The following SNX25 variants were observed in gnomAD, a reference collection of about 807,000 sequenced individuals.
The protein encoded by SNX25 is sorting nexin 25, also known as sorting nexin-25.
SNX25 carries 62 observed loss-of-function variants against 113.7 expected under a neutral mutation model. That is an observed-to-expected ratio of 0.55 (90% CI 0.44 to 0.67). The LOEUF (loss-of-function observed/expected upper bound fraction) is 0.67. SNX25 is among the 30% of genes least tolerant of loss of function. The pLI is 0.00. For missense variants in SNX25, 1,014 were observed against 1,161.0 expected, an observed-to-expected ratio of 0.87 and a Z score of 1.84; for synonymous variants, 421 against 436.2, an observed-to-expected ratio of 0.97 and a Z score of 0.43.
At chr4:185,280,132 GT>G (rs1750369734) in intron 5 of SNX25, among the ~76,000 whole-genome samples, 1 of 152,102 alleles carries the variant, frequency 6.6e-6, no homozygotes, top group Non-Finnish European at 1.5e-5. Flanking sequence ...GTCTCATTAT[GT>G]TGCCCAGGCT....
chr4:185,324,420 ACTCT>A (rs1166587475), intron 9 of SNX25, among the ~76,000 whole-genome samples: 1 of 152,062 alleles, frequency 6.6e-6, no homozygotes, highest in African/African-American at 2.4e-5. Flanking sequence ...AGTCAGGAGC[ACTCT>A]CTCTTACAGA....
downstream of SNX25, chr4:185,372,873 A>G: frequency 6.2e-7 from 1 of 1,608,394 alleles, no homozygotes; most frequent in Non-Finnish European, 8.5e-7. Flanking sequence ...AAAATGCAAC[A>G]CACTTTGTAA....
At chr4:185,207,608 G>T (rs1481249867), upstream of SNX25, 2 of 152,024 alleles carry the variant, frequency 1.3e-5, no homozygotes, top group Admixed American at 1.3e-4. Context: ...GTAAATCAGA[G>T]AATTCTTAGG....
At chr4:185,371,533 C>T (rs1367928984), downstream of SNX25, among the ~76,000 whole-genome samples, 2 of 103,084 alleles carry the variant, frequency 1.9e-5, no homozygotes, top group Non-Finnish European at 3.7e-5. Context: ...CAGAGCGAGA[C>T]TCCGTCTAAA....
upstream of SNX25, among the ~76,000 whole-genome samples, chr4:185,208,986 G>C (rs771349641): frequency 6.6e-6 from 1 of 152,152 alleles, no homozygotes; most frequent in Admixed American, 6.5e-5. Flanking sequence ...TGAATAGTTG[G>C]TAAAAAACAA....
intron 11 of SNX25, 31 bp from the exon 12 acceptor site, chr4:185,341,945 T>G (rs1461939581): frequency 6.4e-7 from 1 of 1,558,534 alleles, no homozygotes; most frequent in Non-Finnish European, 8.7e-7. Context: ...CCATGCTTTT[T>G]GTAAGTATCG....
intron 1 of SNX25, among the ~76,000 whole-genome samples, chr4:185,246,484 AAG>A (rs1744883515): frequency 6.6e-6 from 1 of 152,154 alleles, no homozygotes; most frequent in African/African-American, 2.4e-5. Flanking sequence ...TCTAATAAAA[AAG>A]GGGATTGCAT....
At chr4:185,326,253 G>A (rs1163449191) in intron 9 of SNX25, among the ~76,000 whole-genome samples, 1 of 152,128 alleles carries the variant, frequency 6.6e-6, no homozygotes, top group Admixed American at 6.5e-5. Flanking sequence ...TCTCCTGTTA[G>A]TTCAGTTCGT....
intron 7 of SNX25, among the ~76,000 whole-genome samples, chr4:185,319,446 G>A (rs186250853): frequency 2.7e-5 from 4 of 149,140 alleles, no homozygotes; most frequent in Admixed American, 2.0e-4. Context: ...TGATCTGCCC[G>A]CCTTGGCCTG....
chr4:185,342,761 A>G (rs1019679068), intron 12 of SNX25, among the ~76,000 whole-genome samples: 6 of 152,166 alleles, frequency 3.9e-5, no homozygotes, highest in African/African-American at 1.4e-4. Context: ...TCTATCACAT[A>G]TACAAGGGAG....
chr4:185,354,060 A>G (rs150519447), intron 15 of SNX25, among the ~76,000 whole-genome samples: 3,001 of 149,786 alleles, frequency 0.02, 97 homozygotes, highest in African/African-American at 0.069. Flanking sequence ...AAAAAAAAAG[A>G]GCCAACCAGA....
At chr4:185,317,656 T>G (rs920004485) in intron 7 of SNX25, among the ~76,000 whole-genome samples, 6 of 151,988 alleles carry the variant, frequency 3.9e-5, no homozygotes. Flanking sequence ...AAAGAATGAG[T>G]TCATGTCCTT....
At chr4:185,364,022 C>T (rs2095377917), downstream of SNX25, 1 of 152,702 alleles carries the variant, frequency 6.5e-6, no homozygotes, top group Admixed American at 6.5e-5. Context: ...TGAAACTCTA[C>T]AGGCTGTTCA....
intron 2 of SNX25, among the ~76,000 whole-genome samples, chr4:185,248,856 TG>T (rs1245397813): frequency 6.6e-6 from 1 of 152,232 alleles, no homozygotes; most frequent in East Asian, 1.9e-4. Flanking sequence ...CCACCCTTCA[TG>T]GTATCACTTC....
At chr4:185,240,214 C>T (rs1264732184) in intron 1 of SNX25, among the ~76,000 whole-genome samples, 1 of 152,066 alleles carries the variant, frequency 6.6e-6, no homozygotes, top group African/African-American at 2.4e-5. Flanking sequence ...CTTTTCCCCA[C>T]CTTTCCCCCC....
intron 3 of SNX25, 29 bp from the exon 4 acceptor site, chr4:185,264,409 T>A (rs1295531701): frequency 1.2e-6 from 2 of 1,600,252 alleles, no homozygotes; most frequent in African/African-American, 2.7e-5. Context: ...TAGAAACTTC[T>A]TTCCTTCTTT....
At chr4:185,239,535 T>G (rs1407627142) in intron 1 of SNX25, among the ~76,000 whole-genome samples, 2 of 152,226 alleles carry the variant, frequency 1.3e-5, no homozygotes, top group Non-Finnish European at 2.9e-5. Context: ...AGAAAAATAC[T>G]CTGAAAATGT....
the SNX25 span, chr4:185,375,716 T>C: frequency 6.2e-7 from 1 of 1,601,732 alleles, no homozygotes; most frequent in South Asian, 1.1e-5. Context: ...TAATGCTTCT[T>C]CATACCATCC....
At chr4:185,273,866 G>A (rs560304559) in intron 5 of SNX25, among the ~76,000 whole-genome samples, 20 of 152,228 alleles carry the variant, frequency 1.3e-4, no homozygotes, top group Non-Finnish European at 2.4e-4. Context: ...AGTAAAGCAG[G>A]CAGTCCGGGA....
Sources: allele counts gnomAD v4.1 joint callset (sites outside exome capture counted in the v4.1 genomes callset), GRCh38; gene constraint gnomAD v4.1.1; transcripts MANE v1.5; gene names NCBI Gene and HGNC (gene_info 2026-07-23, HGNC 2026-07-21).